The following TATDN1 variants were observed in gnomAD, a reference collection of about 807,000 sequenced individuals.
The protein encoded by TATDN1 is TatD DNase domain containing 1.
TATDN1 carries 40 observed loss-of-function variants against 46.4 expected under a neutral mutation model. That is an observed-to-expected ratio of 0.86 (90% CI 0.67 to 1.12). The LOEUF (loss-of-function observed/expected upper bound fraction) is 1.12, where lower values mean the gene tolerates loss of function less well. Among genes scored for constraint, TATDN1 ranks in the 50% most tolerant of loss-of-function variants. The probability of loss-of-function intolerance (pLI) is 0.00; values close to 1 mark genes in which losing one functional copy is unlikely to be tolerated. For synonymous variants in TATDN1, 95 were observed against 105.6 expected, an observed-to-expected ratio of 0.90 and a Z score of 0.62; for missense variants, 326 against 348.4, an observed-to-expected ratio of 0.94 and a Z score of 0.51.
At position 124,537,266 on chromosome 8, in the gene TATDN1, T is replaced by C. The variant is rs547223394; in HGVS notation, c.22+1759A>G. 1.2e-4 allele frequency among the ~76,000 whole-genome samples: 19 copies of C among 152,296 alleles called. No homozygotes were observed. In the South Asian group the frequency reaches 3.9e-3, roughly 32 times the overall value. On this transcript the variant is annotated intron_variant, in intron 1 of 11. Transcript: ENST00000276692. ...GTTTGATCTAGTGGGAAAGGCATAC[T>C]CATATTTAATTATAAATAATGTGGT...
chr8:124,488,863 G>A (rs1816650482), intron 11 of TATDN1, 167 bp from the exon 12 acceptor site: 3 of 582,470 alleles, frequency 5.2e-6, no homozygotes, highest in South Asian at 2.1e-5. Context: ...CTTACTGCCA[G>A]TAACTGGAAA....
chr8:124,526,028 C>G (rs1251351358), intron 1 of TATDN1, among the ~76,000 whole-genome samples: 1 of 152,206 alleles, frequency 6.6e-6, no homozygotes, highest in Non-Finnish European at 1.5e-5. Flanking sequence ...CTTCTTGAAG[C>G]CGCTTGCTAT....
chr8:124,525,530 C>T (rs79137874), intron 1 of TATDN1, among the ~76,000 whole-genome samples: 4,575 of 152,252 alleles, frequency 0.03, 233 homozygotes, highest in African/African-American at 0.1. Context: ...TCTTTCTGAG[C>T]CTCAGTTTTC....
At chr8:124,494,421 A>G (rs923735781) in intron 10 of TATDN1, 6 of 152,678 alleles carry the variant, frequency 3.9e-5, no homozygotes, top group African/African-American at 9.6e-5. Flanking sequence ...TTAATCAAAT[A>G]TTTTGTTTTC....
chr8:124,539,001 G>A (rs748190528), intron 1 of TATDN1, 24 bp downstream of exon 1: 6 of 1,614,126 alleles, frequency 3.7e-6, no homozygotes, highest in African/African-American at 2.7e-5. Flanking sequence ...AAAGACCCAA[G>A]GGCGTGGAAA....
At chr8:124,539,004 C>A (rs1277911362) in intron 1 of TATDN1, 21 bp downstream of exon 1, 2 of 1,613,324 alleles carry the variant, frequency 1.2e-6, no homozygotes, top group Non-Finnish European at 1.7e-6. Flanking sequence ...GACCCAAGGG[C>A]GTGGAAAACG....
At chr8:124,502,768 C>G (rs1200166166) in intron 9 of TATDN1, among the ~76,000 whole-genome samples, 1 of 152,168 alleles carries the variant, frequency 6.6e-6, no homozygotes, top group Non-Finnish European at 1.5e-5. Flanking sequence ...ATTAACCTCC[C>G]TCATATTTTT....
rs1586643206 is a variant in TATDN1, at chr8:124,518,795, TGGTAAAAGA to T, written c.202+14_202+22del. ...AAAATTACTTAATTCATTTTTTTTT[TGGTAAAAGA>T]AATATGAGGATACCATTTGTTTGTG... On this transcript the variant is annotated intron_variant, in intron 4 of 11. Transcript: ENST00000276692. The T allele has an allele frequency of 6.3e-7, 1 of 1,575,016 alleles. No individual in the cohort carries two copies. The highest frequency in any genetic ancestry group is 1.4e-5 in the African/African-American group (1 of 74,048).
chr8:124,497,017 C>G (rs1385383108), intron 9 of TATDN1, among the ~76,000 whole-genome samples: 1 of 152,274 alleles, frequency 6.6e-6, no homozygotes, highest in South Asian at 2.1e-4. Context: ...CCCAAATCTT[C>G]TAGTATTCAA....
intron 6 of TATDN1, among the ~76,000 whole-genome samples, chr8:124,511,678 C>T (rs1819029948): frequency 6.6e-6 from 1 of 151,176 alleles, no homozygotes; most frequent in Non-Finnish European, 1.5e-5. Context: ...ATACTTTTTC[C>T]AGAAAAGGTC....
intron 1 of TATDN1, among the ~76,000 whole-genome samples, chr8:124,533,412 A>T (rs1821142762): frequency 1.3e-5 from 2 of 152,294 alleles, no homozygotes; most frequent in Admixed American, 6.5e-5. Context: ...TGAGAAACAT[A>T]TACAACGAGA....
chr8:124,533,199 C>T (rs1325186240), intron 1 of TATDN1, among the ~76,000 whole-genome samples: 1 of 151,716 alleles, frequency 6.6e-6, no homozygotes, highest in Non-Finnish European at 1.5e-5. Context: ...TTGCAGTGAG[C>T]CAAGATGGCG....
At chr8:124,525,292 C>A (rs989345557) in intron 1 of TATDN1, among the ~76,000 whole-genome samples, 4 of 151,992 alleles carry the variant, frequency 2.6e-5, no homozygotes, top group Admixed American at 6.6e-5. Flanking sequence ...ATTATAGGCG[C>A]CCACCACCAC....
chr8:124,529,453 G>A (rs1170671080), intron 1 of TATDN1, among the ~76,000 whole-genome samples: 1 of 152,092 alleles, frequency 6.6e-6, no homozygotes, highest in Non-Finnish European at 1.5e-5. Context: ...AAGGATACGG[G>A]GGGTTACAAA....
intron 1 of TATDN1, among the ~76,000 whole-genome samples, chr8:124,530,968 G>A (rs1259693451): frequency 1.3e-5 from 2 of 152,040 alleles, no homozygotes; most frequent in African/African-American, 2.4e-5. Context: ...AGACATGTGC[G>A]ACCAGGAGTC....
chr8:124,515,988 C>A lies in TATDN1; in HGVS notation c.245G>T (p.Gly82Val), dbSNP rs1407958606. The change falls in exon 5 of 12, where the codon GGT becomes GTT. Residue 82 changes from glycine to valine, a missense_variant. Gly to Val is a moderately radical substitution (Grantham distance 109). Coordinates refer to ENST00000276692, the MANE Select transcript of TATDN1 (RefSeq NM_032026.4). ...ATCAGGGTTATTCTTTTCAAATTCA[C>A]CACATCTTGTAGGATGACATCCAAC... is the stretch of plus-strand genomic sequence containing the variant. ...STVGCHPTRC[G>V]EFEKNNPDLY... The A allele has an allele frequency of 3.1e-6, 5 of 1,613,688 alleles. No homozygotes were observed. The highest frequency in any genetic ancestry group is 4.2e-6 in the Non-Finnish European group (5 of 1,179,870).
At chr8:124,499,468 G>GT (rs1286654431) in intron 9 of TATDN1, among the ~76,000 whole-genome samples, 1 of 152,108 alleles carries the variant, frequency 6.6e-6, no homozygotes, top group Non-Finnish European at 1.5e-5. Context: ...ATACAAGCCA[G>GT]TATTTCTATT....
At chr8:124,535,671 T>C (rs1821370951) in intron 1 of TATDN1, among the ~76,000 whole-genome samples, 2 of 152,180 alleles carry the variant, frequency 1.3e-5, no homozygotes, top group Admixed American at 1.3e-4. Context: ...GTGTTATGTG[T>C]GATTTGGAGG....
chr8:124,525,416 G>C (rs745964583), intron 1 of TATDN1, among the ~76,000 whole-genome samples: 2 of 152,048 alleles, frequency 1.3e-5, no homozygotes, highest in Middle Eastern at 3.2e-3. Context: ...CAAAATGCTG[G>C]GATTACAGGC....
Sources: gnomAD v4.1 joint callset for allele counts (sites outside exome capture counted in the v4.1 genomes callset) on GRCh38, gnomAD v4.1.1 for gene constraint, MANE v1.5 for transcripts, NCBI Gene and HGNC (gene_info 2026-07-23, HGNC 2026-07-21) for gene names.